The following GRM7 variants were observed in gnomAD, a reference collection of about 807,000 sequenced individuals.
The protein encoded by GRM7 is metabotropic glutamate receptor 7.
In GRM7, 35 loss-of-function variants were observed where a neutral mutation model predicts 84.5. The ratio of observed to expected loss-of-function variants is 0.41; its 90% CI spans 0.32 to 0.55. GRM7 has a LOEUF of 0.55. GRM7 is among the 20% of genes least tolerant of loss of function. The probability of loss-of-function intolerance (pLI) is 0.19; values close to 1 mark genes in which losing one functional copy is unlikely to be tolerated. For synonymous variants in GRM7, 487 were observed against 455.1 expected, an observed-to-expected ratio of 1.07 and a Z score of -0.89; for missense variants, 1,003 against 1,194.6, an observed-to-expected ratio of 0.84 and a Z score of 2.36.
chr3:7,706,528 A>C (rs1701393697), intron 9 of GRM7, among the ~76,000 whole-genome samples: 1 of 152,190 alleles, frequency 6.6e-6, no homozygotes, highest in South Asian at 2.1e-4. Context: ...TGTTATACTA[A>C]CAATACAATT....
chr3:6,941,827 T>G (rs191037446), intron 1 of GRM7, among the ~76,000 whole-genome samples: 1 of 152,182 alleles, frequency 6.6e-6, no homozygotes. Context: ...CTGGGCTAGA[T>G]AGGTGAACAA....
chr3:7,405,048 G>A (rs1216178570), intron 4 of GRM7, among the ~76,000 whole-genome samples: 1 of 152,110 alleles, frequency 6.6e-6, no homozygotes, highest in Non-Finnish European at 1.5e-5. Flanking sequence ...GTACATTTAT[G>A]TTCAGTAGCT....
chr3:6,973,882 G>A (rs907926679), intron 1 of GRM7, among the ~76,000 whole-genome samples: 4 of 152,126 alleles, frequency 2.6e-5, no homozygotes, highest in African/African-American at 9.7e-5. Context: ...TGATAAGAGG[G>A]AAAGTCATGG....
chr3:7,018,836 C>T (rs1204024903), intron 1 of GRM7, among the ~76,000 whole-genome samples: 1 of 152,226 alleles, frequency 6.6e-6, no homozygotes, highest in East Asian at 1.9e-4. Flanking sequence ...GTGGCTCACG[C>T]CTGTAATCTT....
In GRM7 at chr3:7,259,711, C is replaced by T. The variant is rs148681412; in HGVS notation, c.737-38973C>T. ...CATCATTGGGCATATAAGTTGATTC[C>T]ATGTCTTTGCTATTGTGAATAGAGC... On this transcript the variant is annotated intron_variant, in intron 2 of 9. Coordinates refer to ENST00000357716, the MANE Select transcript of GRM7 (RefSeq NM_000844.4). Among the ~76,000 whole-genome samples the T allele has an allele frequency of 5.0e-4, 76 of 152,228 alleles. No homozygotes were observed. In the East Asian group the frequency reaches 0.014, roughly 28 times the overall value.
At chr3:7,000,342 GTTATTTTATT>G (rs750263659) in intron 1 of GRM7, among the ~76,000 whole-genome samples, 3 of 151,816 alleles carry the variant, frequency 2.0e-5, no homozygotes, top group South Asian at 4.2e-4. Flanking sequence ...TGGCTAATAT[GTTATTTTATT>G]TTATTTTATT....
intron 2 of GRM7, among the ~76,000 whole-genome samples, chr3:7,190,888 C>A (rs1695689236): frequency 6.6e-6 from 1 of 152,010 alleles, no homozygotes; most frequent in African/African-American, 2.4e-5. Flanking sequence ...TATGAGAAAT[C>A]CATTTTCCAG....
chr3:7,244,098 A>G (rs1361845364), intron 2 of GRM7, among the ~76,000 whole-genome samples: 1 of 152,116 alleles, frequency 6.6e-6, no homozygotes, highest in Non-Finnish European at 1.5e-5. Context: ...CTTTATAAAT[A>G]TTGTACACTT....
At chr3:7,408,729 G>A (rs184335658) in intron 4 of GRM7, among the ~76,000 whole-genome samples, 3 of 152,290 alleles carry the variant, frequency 2.0e-5, no homozygotes, top group East Asian at 1.9e-4. Context: ...AACATGTCCT[G>A]AGAGCGCAGC....
Position 7,461,647 on chromosome 3 carries a change from T to A in GRM7, c.1440T>A (p.Phe480Leu). The A allele has an allele frequency of 6.2e-7, 1 of 1,613,418 alleles. No individual in the cohort carries two copies. Among genetic ancestry groups the A allele is most frequent in the Non-Finnish European group, 8.5e-7 (1 of 1,179,384 alleles). The part of the protein sequence containing the change: ...NGDAPGRYDI[F>L]QYQTTNTSNP... ...ATGCACCTGGGCGTTATGACATCTT[T>A]CAGTACCAGACCACAAACACCAGCA... is the stretch of plus-strand genomic sequence containing the variant. The change falls in exon 7 of 10, where the codon TTT (phenylalanine) becomes TTA (leucine). Residue 480 changes from phenylalanine (F) to leucine (L), a missense_variant. Coordinates refer to ENST00000357716, the MANE Select transcript of GRM7 (RefSeq NM_000844.4).
chr3:7,725,399 A>C (rs951171517), intron 9 of GRM7, among the ~76,000 whole-genome samples: 1 of 152,134 alleles, frequency 6.6e-6, no homozygotes, highest in African/African-American at 2.4e-5. Flanking sequence ...GTAACTCTGT[A>C]TGAGCTTTGG....
intron 8 of GRM7, 100 bp downstream of exon 8, chr3:7,579,457 T>G (rs1695137143): frequency 3.0e-6 from 2 of 676,140 alleles, no homozygotes; most frequent in South Asian, 2.1e-5. Context: ...GTTTCGTATA[T>G]GCAGAATGGT....
At chr3:7,573,320 A>G (rs187557331) in intron 7 of GRM7, among the ~76,000 whole-genome samples, 1 of 152,194 alleles carries the variant, frequency 6.6e-6, no homozygotes, top group Non-Finnish European at 1.5e-5. Context: ...TAAAAATAAT[A>G]TTGCAGAGAA....
intron 2 of GRM7, 129 bp from the exon 3 acceptor site, chr3:7,298,555 C>T (rs1575135928): frequency 1.4e-6 from 1 of 721,300 alleles, no homozygotes; most frequent in Non-Finnish European, 2.3e-6. Context: ...ATGCTGTCCT[C>T]GCTTAGCAAC....
At chr3:7,386,168 AT>A (rs1213108933) in intron 4 of GRM7, among the ~76,000 whole-genome samples, 1 of 152,188 alleles carries the variant, frequency 6.6e-6, no homozygotes, top group Non-Finnish European at 1.5e-5. Flanking sequence ...GTAGAAATCT[AT>A]TTTTTTGATC....
At chr3:7,410,656 C>CACACACA (rs1553585549) in intron 4 of GRM7, among the ~76,000 whole-genome samples, 258 of 142,666 alleles carry the variant, frequency 1.8e-3, no homozygotes, top group African/African-American at 6.0e-3. Flanking sequence ...ACCACCACCA[C>CACACACA]CACACACACA....
chr3:7,426,745 C>T (rs142781707), intron 5 of GRM7, among the ~76,000 whole-genome samples: 2 of 152,276 alleles, frequency 1.3e-5, no homozygotes, highest in African/African-American at 4.8e-5. Flanking sequence ...TGTGGATCCC[C>T]ATCTTCACAT....
intron 2 of GRM7, among the ~76,000 whole-genome samples, chr3:7,201,773 G>A (rs1030469040): frequency 3.1e-5 from 4 of 127,002 alleles, no homozygotes; most frequent in African/African-American, 2.1e-4. Flanking sequence ...TTTTCACCCT[G>A]TCTGATTTGA....
At chr3:7,165,488 TGTTTG>T (rs1363194620) in intron 2 of GRM7, among the ~76,000 whole-genome samples, 3 of 152,254 alleles carry the variant, frequency 2.0e-5, no homozygotes, top group Non-Finnish European at 2.9e-5. Context: ...TTGGTTTAAA[TGTTTG>T]GTTCAAATTT....
Sources: allele counts gnomAD v4.1 joint callset (sites outside exome capture counted in the v4.1 genomes callset), GRCh38; gene constraint gnomAD v4.1.1; transcripts MANE v1.5; gene names NCBI Gene and HGNC (gene_info 2026-07-23, HGNC 2026-07-21).